IDO1: variants seen among roughly 807,000 people sequenced by gnomAD.
The protein encoded by IDO1 is indolamine 2,3 dioxygenase.
A neutral mutation model predicts 38.8 loss-of-function variants in IDO1; 35 were observed. That is an observed-to-expected ratio of 0.90 (90% CI 0.69 to 1.20). IDO1 has a LOEUF of 1.20. Among genes scored for constraint, IDO1 ranks in the 50% most tolerant of loss-of-function variants. IDO1 has a pLI of 0.00. For synonymous variants in IDO1, 171 were observed against 170.0 expected (o/e 1.01, Z -0.05); for missense variants, 509 against 485.1 (o/e 1.05, Z -0.46).
At position 39,918,812 on chromosome 8, in the gene IDO1, C is replaced by T; in HGVS notation, c.304-3C>T. Reference sequence around the variant, plus strand: ...AAAAACCTAACTACTGTATTTTAATCAGGTCTTGCCAAGAAATATTGCTGT... The same window carrying T: ...AAAAACCTAACTACTGTATTTTAATTAGGTCTTGCCAAGAAATATTGCTGT... On this transcript the variant is annotated splice_polypyrimidine_tract_variant and splice_region_variant and intron_variant, in intron 3 of 9. Coordinates refer to ENST00000518237, the MANE Select transcript of IDO1 (RefSeq NM_002164.6). The T allele has an allele frequency of 7.1e-7, 1 of 1,407,882 alleles. No individual in the cohort carries two copies. Among genetic ancestry groups the T allele is most frequent in the South Asian group, 1.1e-5 (1 of 87,184 alleles). The allele number at this position is 1,407,882 out of a possible 1,614,324, so 87.2% of individuals were successfully genotyped here.
At chr8:39,914,044 T>A in intron 1 of IDO1, 35 bp downstream of exon 1, 1 of 1,438,194 alleles carries the variant, frequency 7.0e-7, no homozygotes, top group Middle Eastern at 1.7e-4. Flanking sequence ...GAAAATGCAT[T>A]CTTCTTCTCA....
chr8:39,920,754 A>C (rs1262128801), intron 5 of IDO1: 1 of 152,070 alleles, frequency 6.6e-6, no homozygotes, highest in Non-Finnish European at 1.5e-5. Flanking sequence ...AATTGAACCC[A>C]GGAGGTGGAG....
chr8:39,915,313 T>G (rs1350123459), intron 1 of IDO1, among the ~76,000 whole-genome samples: 2 of 152,216 alleles, frequency 1.3e-5, no homozygotes, highest in African/African-American at 4.8e-5. Flanking sequence ...GGAGAAGATT[T>G]CTATGAACAT....
chr8:39,927,716 C>T (rs1156917737), intron 9 of IDO1, 114 bp from the exon 10 acceptor site: 1 of 539,804 alleles, frequency 1.9e-6, no homozygotes, highest in African/African-American at 1.9e-5. Flanking sequence ...TGACCTTGAC[C>T]TCAGTGAATG....
At chr8:39,923,346 G>C (rs1230740700) in intron 6 of IDO1, 123 bp from the exon 7 acceptor site, 1 of 570,658 alleles carries the variant, frequency 1.8e-6, no homozygotes, top group African/African-American at 1.9e-5. Context: ...AGAGCTTGCA[G>C]TGAGCTGAGA....
At chr8:39,920,764 G>C (rs182915741) in intron 5 of IDO1, 2 of 152,220 alleles carry the variant, frequency 1.3e-5, no homozygotes, top group Admixed American at 6.5e-5. Flanking sequence ...AGGAGGTGGA[G>C]GTTGCAGTGA....
chr8:39,918,536 A>C, intron 3 of IDO1: 2 of 462,340 alleles, frequency 4.3e-6, no homozygotes, highest in Non-Finnish European at 7.7e-6. Context: ...ACCTGAGGTC[A>C]GGAGTTCAAG....
intron 1 of IDO1, among the ~76,000 whole-genome samples, chr8:39,914,970 T>C (rs564996995): frequency 6.6e-6 from 1 of 152,332 alleles, no homozygotes; most frequent in South Asian, 2.1e-4. Context: ...TTTCACCATG[T>C]TGGCCAGGCT....
intron 5 of IDO1, among the ~76,000 whole-genome samples, chr8:39,921,453 AAAAAATTAAAAT>A (rs1209657061): frequency 1.3e-5 from 2 of 152,198 alleles, no homozygotes; most frequent in Non-Finnish European, 2.9e-5. Flanking sequence ...ACCCCATCTC[AAAAAATTAAAAT>A]AAAAATAAAT....
At chr8:39,919,152 C>A (rs1489361560) in intron 4 of IDO1, 2 of 686,994 alleles carry the variant, frequency 2.9e-6, no homozygotes, top group Non-Finnish European at 5.4e-6. Context: ...GTAAAATGCA[C>A]AAATCTTAAG....
chr8:39,927,616 CTCAT>C (rs1807386750), intron 9 of IDO1, among the ~76,000 whole-genome samples: 1 of 150,826 alleles, frequency 6.6e-6, no homozygotes, highest in Non-Finnish European at 1.5e-5. Flanking sequence ...ATGAGTTTAG[CTCAT>C]TCAGTTTTCA....
intron 3 of IDO1, among the ~76,000 whole-genome samples, 177 bp from the exon 4 acceptor site, chr8:39,918,638 C>T (rs1807217144): frequency 6.8e-6 from 1 of 146,658 alleles, no homozygotes; most frequent in African/African-American, 2.5e-5. Flanking sequence ...CCCAGCTACT[C>T]GGGAGGCTGA....
chr8:39,922,681 T>C (rs1273656610), intron 6 of IDO1, 30 bp downstream of exon 6: 2 of 1,446,780 alleles, frequency 1.4e-6, no homozygotes, highest in Admixed American at 1.7e-5. Flanking sequence ...AAAATTTATA[T>C]GTCAATTTAC....
At position 39,918,770 on chromosome 8, in the gene IDO1, C is replaced by CAACAACAACAACAAAAAACCTAACT. The variant is rs1554541757; in HGVS notation, c.304-31_304-30insAAAACCTAACTAACAACAACAACAA. ...TCAAAAAAAAAAAAAAAAAAAAAAACAACAACAACAACAACAAAAAACCTA... is the reference window on the plus strand; with the variant it reads ...TCAAAAAAAAAAAAAAAAAAAAAAACAACAACAACAACAAAAAACCTAACTAACAACAACAACAACAAAAAACCTA... On this transcript the variant is annotated intron_variant, in intron 3 of 9. Transcript: ENST00000518237. 15 of 288,544 alleles carry CAACAACAACAACAAAAAACCTAACT rather than the reference C, an allele frequency of 5.2e-5. 1 individual carries two copies. The highest frequency in any genetic ancestry group is 9.1e-5 in the Non-Finnish European group (15 of 165,452). The allele number at this position is 288,544 out of a possible 1,614,324, so 17.9% of individuals were successfully genotyped here. A position where few individuals can be genotyped will look rare whatever the true frequency, so the allele number is the denominator to read the frequency against.
chr8:39,914,873 C>T lies in IDO1; in HGVS notation c.87+864C>T, dbSNP rs1018184759. Among the ~76,000 whole-genome samples, 19 of 152,164 alleles carry T rather than the reference C, an allele frequency of 1.2e-4. 1 individual carries two copies. Among genetic ancestry groups the T allele is most frequent in the African/African-American group, 4.6e-4 (19 of 41,442 alleles). ...CTCTGCCTCCTAGGTTCAAGCGATT[C>T]TCCTGCCTCAGCCTCCCAAGTAGCT... On this transcript the variant is annotated intron_variant, in intron 1 of 9. Transcript: ENST00000518237.
chr8:39,927,433 G>T (rs1030972215), intron 9 of IDO1, among the ~76,000 whole-genome samples: 1 of 151,946 alleles, frequency 6.6e-6, no homozygotes, highest in African/African-American at 2.4e-5. Flanking sequence ...GGTGGCGCAT[G>T]CCTGAAATCC....
rs544291309 is a variant in IDO1 at position 39,913,931 on chromosome 8, C to T, written c.9C>T (p.His3=). 50 of 1,568,580 alleles carry T rather than the reference C, an allele frequency of 3.2e-5. No individual in the cohort carries two copies. In the South Asian group the frequency reaches 3.9e-4, roughly 12 times the overall value. Residue 3 remains histidine, a synonymous_variant, in exon 1 of 10, where the codon CAC becomes CAT. Coordinates refer to ENST00000518237, the MANE Select transcript of IDO1 (RefSeq NM_002164.6). Reference sequence around the variant, plus strand: ...AGGAGCAGACTACAAGAATGGCACACGCTATGGAAAACTCCTGGACAATCA... The same window carrying T: ...AGGAGCAGACTACAAGAATGGCACATGCTATGGAAAACTCCTGGACAATCA... MA[H]AMENSWTISK...
intron 4 of IDO1, chr8:39,919,154 A>T: frequency 2.9e-6 from 2 of 683,812 alleles, no homozygotes; most frequent in Non-Finnish European, 5.4e-6. Flanking sequence ...AAAATGCACA[A>T]ATCTTAAGTG....
chr8:39,924,428 TTTTGA>T (rs1447175109), intron 7 of IDO1, among the ~76,000 whole-genome samples: 2 of 152,118 alleles, frequency 1.3e-5, no homozygotes. Context: ...TTTTGGTTTG[TTTTGA>T]TTTGTTTTTT....
Sources: gnomAD v4.1 joint callset for allele counts (sites outside exome capture counted in the v4.1 genomes callset) on GRCh38, gnomAD v4.1.1 for gene constraint, MANE v1.5 for transcripts, NCBI Gene and HGNC (gene_info 2026-07-23, HGNC 2026-07-21) for gene names.